MS4A13: variants seen among roughly 807,000 people sequenced by gnomAD.
The protein encoded by MS4A13 is membrane spanning 4-domains A13.
MS4A13 carries 21 observed loss-of-function variants against 18.4 expected under a neutral mutation model. The ratio of observed to expected loss-of-function variants is 1.14; its 90% CI spans 0.81 to 1.64. The LOEUF is 1.64. Ranked by LOEUF, MS4A13 falls within the 40% of genes most tolerant of loss-of-function variation. MS4A13 has a pLI of 0.00. For synonymous variants in MS4A13, 62 were observed against 57.2 expected, an observed-to-expected ratio of 1.08 and a Z score of -0.38; for missense variants, 173 against 176.8, an observed-to-expected ratio of 0.98 and a Z score of 0.12.
At chr11:60,542,749 C>T (rs1423227613), downstream of MS4A13, 1 of 454,736 alleles carries the variant, frequency 2.2e-6, no homozygotes, top group African/African-American at 2.0e-5. Context: ...TTCTAGGCTG[C>T]AAGGAAAGTT....
intron 2 of MS4A13, among the ~76,000 whole-genome samples, chr11:60,517,065 C>T (rs901649851): frequency 5.3e-5 from 8 of 151,450 alleles, no homozygotes; most frequent in Admixed American, 1.3e-4. Flanking sequence ...AGATATTTCT[C>T]CAGGCAAATC....
At chr11:60,522,022 A>T (rs2086677192) in intron 3 of MS4A13, among the ~76,000 whole-genome samples, 1 of 152,044 alleles carries the variant, frequency 6.6e-6, no homozygotes, top group African/African-American at 2.4e-5. Flanking sequence ...TCCCATTTTT[A>T]AAACCATCAG....
chr11:60,532,365 T>G (rs10897083), intron 6 of MS4A13, among the ~76,000 whole-genome samples: 24,948 of 152,042 alleles, frequency 0.16, 2,291 homozygotes, highest in East Asian at 0.27. Flanking sequence ...CCTGGGAAGC[T>G]CAAGGGGTCA....
rs11230373 is a variant in MS4A13 at position 60,533,825 on chromosome 11, C to T, written c.402+4365C>T. On this transcript the variant is annotated intron_variant, in intron 6 of 6. Coordinates refer to ENST00000378186, the MANE Select transcript of MS4A13 (RefSeq NM_001012417.3). Reference sequence around the variant, plus strand: ...CCCATCAGACTAACAGTGGATCTCTCGGCAGAAACCCTACAAGCCAGAAGA... The same window carrying T: ...CCCATCAGACTAACAGTGGATCTCTTGGCAGAAACCCTACAAGCCAGAAGA... 9.0e-4 allele frequency among the ~76,000 whole-genome samples: 69 copies of T among 76,704 alleles called. 3 individuals carry two copies. The highest frequency in any genetic ancestry group is 3.4e-3 in the African/African-American group (61 of 17,708). 50.3% of individuals were successfully genotyped at this position (76,704 alleles called of 152,430 possible).
intron 3 of MS4A13, among the ~76,000 whole-genome samples, chr11:60,519,767 C>T (rs1349066944): frequency 6.6e-6 from 1 of 152,010 alleles, no homozygotes; most frequent in Non-Finnish European, 1.5e-5. Context: ...GGATATAGGG[C>T]AGTGTTTGTA....
At chr11:60,519,046 T>C (rs1362386596) in intron 3 of MS4A13, among the ~76,000 whole-genome samples, 1 of 152,170 alleles carries the variant, frequency 6.6e-6, no homozygotes, top group Non-Finnish European at 1.5e-5. Context: ...ATTGATGATA[T>C]GAGTAAATGG....
At chr11:60,538,115 C>T (rs1357546725) in intron 6 of MS4A13, among the ~76,000 whole-genome samples, 1 of 138,054 alleles carries the variant, frequency 7.2e-6, no homozygotes, top group Non-Finnish European at 1.5e-5. Context: ...CAGCATGGCA[C>T]ATGTATACAT....
chr11:60,540,473 G>A lies in MS4A13; in HGVS notation c.403-2046G>A, dbSNP rs182448446. Among the ~76,000 whole-genome samples, 4 of 152,120 alleles carry A rather than the reference G, an allele frequency of 2.6e-5. No homozygotes were observed. The East Asian group carries it at 7.7e-4, about 29-fold the overall frequency. ...AATAATAGCACAAAGAAAAGGAAAG[G>A]GAATGAGTTATATGGGAATAAAGTT... On this transcript the variant is annotated intron_variant, in intron 6 of 6. Transcript: ENST00000378186.
chr11:60,520,140 T>C (rs549191826), intron 3 of MS4A13, among the ~76,000 whole-genome samples: 1 of 152,238 alleles, frequency 6.6e-6, no homozygotes, highest in Non-Finnish European at 1.5e-5. Flanking sequence ...GGGAGGGACC[T>C]GGTGGAAGAT....
chr11:60,521,584 T>G (rs7105958), intron 3 of MS4A13, among the ~76,000 whole-genome samples: 52,037 of 152,018 alleles, frequency 0.34, 9,126 homozygotes, highest in South Asian at 0.39. Flanking sequence ...CCCAACAAAT[T>G]CCTCATCTTC....
chr11:60,532,279 G>C (rs1011144094), intron 6 of MS4A13, among the ~76,000 whole-genome samples: 5 of 152,198 alleles, frequency 3.3e-5, no homozygotes, highest in Admixed American at 1.3e-4. Flanking sequence ...TCTCACTAGG[G>C]AGTGCCAGAC....
intron 5 of MS4A13, among the ~76,000 whole-genome samples, chr11:60,526,143 C>A (rs1479058878): frequency 1.3e-5 from 2 of 151,918 alleles, no homozygotes; most frequent in Admixed American, 6.6e-5. Context: ...AGGAAAGAAC[C>A]CAAACCTGGA....
chr11:60,522,499 C>T (rs2086684337), intron 3 of MS4A13, among the ~76,000 whole-genome samples: 1 of 151,970 alleles, frequency 6.6e-6, no homozygotes, highest in African/African-American at 2.4e-5. Flanking sequence ...AACCACTTAT[C>T]CCACACTTCG....
chr11:60,540,956 CAAA>C (rs34052697), intron 6 of MS4A13, among the ~76,000 whole-genome samples: 11 of 109,534 alleles, frequency 1.0e-4, no homozygotes, highest in Admixed American at 2.0e-4. Context: ...CCCTATCTCA[CAAA>C]AAAAAAAAAA....
chr11:60,539,507 A>G (rs1259241440), intron 6 of MS4A13, among the ~76,000 whole-genome samples: 3 of 152,130 alleles, frequency 2.0e-5, no homozygotes, highest in African/African-American at 4.8e-5. Context: ...CATCACATGT[A>G]TAATGGGAGT....
intron 3 of MS4A13, 59 bp downstream of exon 3, chr11:60,518,271 G>C: frequency 7.2e-7 from 1 of 1,394,052 alleles, no homozygotes; most frequent in South Asian, 1.5e-5. Flanking sequence ...CATGCCAATA[G>C]TAGAAGGTAG....
intron 4 of MS4A13, among the ~76,000 whole-genome samples, chr11:60,524,662 CTTT>C (rs11338863): frequency 2.2e-4 from 23 of 104,376 alleles, no homozygotes; most frequent in Admixed American, 3.1e-4. Flanking sequence ...AAACACAATA[CTTT>C]TTTTTTTTTT....
chr11:60,539,553 A>C (rs1002956599), intron 6 of MS4A13, among the ~76,000 whole-genome samples: 1 of 152,130 alleles, frequency 6.6e-6, no homozygotes, highest in Non-Finnish European at 1.5e-5. Context: ...AAAAAATTAA[A>C]GAAATAATGG....
At chr11:60,541,212 C>T (rs1307891570) in intron 6 of MS4A13, among the ~76,000 whole-genome samples, 1 of 152,128 alleles carries the variant, frequency 6.6e-6, no homozygotes, top group African/African-American at 2.4e-5. Context: ...ACCTTTTGGG[C>T]ATTACCTACT....
Sources: gnomAD v4.1 joint callset for allele counts (sites outside exome capture counted in the v4.1 genomes callset) on GRCh38, gnomAD v4.1.1 for gene constraint, MANE v1.5 for transcripts, NCBI Gene and HGNC (gene_info 2026-07-23, HGNC 2026-07-21) for gene names.